Variants in TM9SF2 observed in about 807,000 individuals in gnomAD.
TM9SF2 encodes 76 kDa membrane protein.
Under a neutral mutation model 84.9 loss-of-function variants are expected in TM9SF2, and 13 were observed. The ratio of observed to expected loss-of-function variants is 0.15; its 90% CI spans 0.10 to 0.24. The LOEUF is 0.24. Among genes scored for constraint, TM9SF2 ranks in the 10% least tolerant of loss-of-function variants. TM9SF2 has a pLI of 1.00. For missense variants in TM9SF2, 562 were observed against 818.5 expected, an observed-to-expected ratio of 0.69 and a Z score of 3.82; for synonymous variants, 273 against 285.8, an observed-to-expected ratio of 0.96 and a Z score of 0.45.
chr13:99,525,297 A>G (rs907289854), intron 3 of TM9SF2, among the ~76,000 whole-genome samples: 1 of 152,160 alleles, frequency 6.6e-6, no homozygotes, highest in Admixed American at 6.5e-5. Context: ...GCTTGAGTGC[A>G]GTGTTGTGAT....
At chr13:99,525,326 C>T (rs949785996) in intron 3 of TM9SF2, among the ~76,000 whole-genome samples, 2 of 152,140 alleles carry the variant, frequency 1.3e-5, no homozygotes, top group African/African-American at 4.8e-5. Context: ...ACTGCAACCT[C>T]CACCTCCGAG....
chr13:99,552,450 TA>T, intron 13 of TM9SF2, 124 bp downstream of exon 13: 1 of 988,074 alleles, frequency 1.0e-6, no homozygotes, highest in Non-Finnish European at 1.5e-6. Context: ...CTGGATTTCA[TA>T]GAATATTTTT....
intron 1 of TM9SF2, among the ~76,000 whole-genome samples, chr13:99,512,078 C>T (rs1483549603): frequency 2.0e-5 from 3 of 152,172 alleles, no homozygotes; most frequent in Non-Finnish European, 4.4e-5. Flanking sequence ...CCTTTAAAAA[C>T]ACTGGAATAG....
intron 1 of TM9SF2, among the ~76,000 whole-genome samples, chr13:99,512,120 G>T (rs1026325809): frequency 6.6e-6 from 1 of 152,202 alleles, no homozygotes; most frequent in Non-Finnish European, 1.5e-5. Flanking sequence ...GATGGGAGAC[G>T]AGAGGAAGGA....
Position 99,549,203 on chromosome 13 carries a change from A to T in TM9SF2, c.1309A>T (p.Thr437Ser). The change falls in exon 12 of 17, where the codon ACA (threonine) becomes TCA (serine). Residue 437 changes from threonine to serine, a missense_variant. Thr to Ser is a moderately conservative substitution (Grantham distance 58, BLOSUM62 1). This residue lies in a region of TM9SF2 where 219 missense variants were observed against 338.1 expected (regional missense o/e 0.65). Transcript: ENST00000376387. ...GAAGTGGAAAACAAATGTTTTATTAACATCATTTCTTTGTCCTGGGTAAGT... is the reference window on the plus strand; with the variant it reads ...GAAGTGGAAAACAAATGTTTTATTATCATCATTTCTTTGTCCTGGGTAAGT... ...GEKWKTNVLL[T>S]SFLCPGIVFA... is the part of the protein sequence containing the mutation. 6.2e-7 allele frequency: 1 copy of T among 1,613,462 alleles called. No individual in the cohort carries two copies. The highest frequency in any genetic ancestry group is 8.5e-7 in the Non-Finnish European group (1 of 1,179,642).
chr13:99,541,081 G>C (rs750693153), intron 8 of TM9SF2, among the ~76,000 whole-genome samples: 27 of 152,252 alleles, frequency 1.8e-4, no homozygotes, highest in Admixed American at 6.5e-5. Context: ...TTCAGAAACA[G>C]AAGCCGCTGT....
intron 13 of TM9SF2, among the ~76,000 whole-genome samples, chr13:99,553,258 G>A (rs1045923726): frequency 2.0e-5 from 3 of 152,238 alleles, no homozygotes; most frequent in Admixed American, 6.5e-5. Flanking sequence ...TACACTTTGT[G>A]AGCAGGACCC....
chr13:99,551,777 A>T (rs992495028), intron 12 of TM9SF2, among the ~76,000 whole-genome samples: 1 of 152,228 alleles, frequency 6.6e-6, no homozygotes, highest in Non-Finnish European at 1.5e-5. Context: ...ACTTGGCAAG[A>T]CATGCAGGTC....
intron 7 of TM9SF2, chr13:99,540,495 C>CTTT (rs201378003): frequency 2.1e-5 from 3 of 141,292 alleles, no homozygotes; most frequent in African/African-American, 3.2e-5. Flanking sequence ...ACTAGGAATT[C>CTTT]TTTTTTTTTT....
chr13:99,519,766 A>G, intron 2 of TM9SF2: 1 of 231,088 alleles, frequency 4.3e-6, no homozygotes. Context: ...AACAAAAATG[A>G]ATTATAATGA....
chr13:99,550,466 C>T (rs1275015154), intron 12 of TM9SF2, among the ~76,000 whole-genome samples: 1 of 152,156 alleles, frequency 6.6e-6, no homozygotes, highest in Non-Finnish European at 1.5e-5. Context: ...TCTTGAAACT[C>T]CTTCCTTTTT....
At chr13:99,559,231 A>C (rs1414043765) in intron 15 of TM9SF2, 132 bp from the exon 16 acceptor site, 1 of 729,472 alleles carries the variant, frequency 1.4e-6, no homozygotes, top group Admixed American at 3.7e-5. Flanking sequence ...CAATAGGAGA[A>C]AGAGCCTGGA....
chr13:99,554,475 C>CTCTCAT lies in TM9SF2; in HGVS notation c.1640+28_1640+33dup. The CTCTCAT allele has an allele frequency of 6.2e-7, 1 of 1,608,812 alleles. No homozygotes were observed. ...TATTTGGTAAGCTAAGGATAAAGTC[C>CTCTCAT]TCTCATTCTCATTACCATTATATGT... On this transcript the variant is annotated intron_variant, in intron 14 of 16. Coordinates refer to ENST00000376387, the MANE Select transcript of TM9SF2 (RefSeq NM_004800.3).
chr13:99,518,204 C>T (rs369980471), intron 2 of TM9SF2, among the ~76,000 whole-genome samples: 24 of 152,288 alleles, frequency 1.6e-4, no homozygotes, highest in East Asian at 3.9e-4. Flanking sequence ...CTCTGCCTCC[C>T]GCGTTCAGGC....
chr13:99,538,224 G>T (rs1202351336), intron 6 of TM9SF2, among the ~76,000 whole-genome samples: 1 of 152,116 alleles, frequency 6.6e-6, no homozygotes, highest in Non-Finnish European at 1.5e-5. Flanking sequence ...CTGGTCAGAG[G>T]CCCAAATGAG....
rs774211578 is a variant in TM9SF2 at position 99,537,721 on chromosome 13, T to G, written c.592-18T>G. On this transcript the variant is annotated intron_variant, in intron 5 of 16. Transcript: ENST00000376387. The stretch of plus-strand genomic sequence containing the variant: ...GTAGTCAGTTTTCTACCTTTAACTT[T>G]TAAGTTCTGTTCTGCAGTCAGATTT... The G allele has an allele frequency of 6.3e-7, 1 of 1,584,006 alleles. No homozygotes were observed. Among genetic ancestry groups the G allele is most frequent in the Admixed American group, 2.0e-5 (1 of 51,074 alleles).
intron 2 of TM9SF2, chr13:99,519,604 G>C (rs2046150393): frequency 6.3e-6 from 1 of 159,726 alleles, no homozygotes; most frequent in Non-Finnish European, 1.4e-5. Flanking sequence ...GTGTTGGCAA[G>C]TGTACTGAGA....
chr13:99,546,411 C>G (rs1055035911), intron 10 of TM9SF2, among the ~76,000 whole-genome samples: 2 of 152,140 alleles, frequency 1.3e-5, no homozygotes, highest in African/African-American at 4.8e-5. Context: ...CAAAGCTAAC[C>G]ACGTGAATAA....
intron 1 of TM9SF2, among the ~76,000 whole-genome samples, chr13:99,509,855 C>CT (rs201308625): frequency 5.2e-4 from 79 of 151,976 alleles, no homozygotes; most frequent in African/African-American, 1.6e-3. Context: ...CCAGAAAAAA[C>CT]TTTTTTTTTC....
Sources: gnomAD v4.1 joint callset for allele counts (sites outside exome capture counted in the v4.1 genomes callset) on GRCh38, gnomAD v4.1.1 for gene constraint, gnomAD v4.1.1 regional missense constraint, MANE v1.5 for transcripts, NCBI Gene and HGNC (gene_info 2026-07-23, HGNC 2026-07-21) for gene names.